The following TLK1 variants were observed in gnomAD, a reference collection of about 807,000 sequenced individuals.
The protein encoded by TLK1 is serine/threonine-protein kinase tousled-like 1.
Under a neutral mutation model 105.3 loss-of-function variants are expected in TLK1, and 24 were observed. The observed-to-expected ratio is 0.23, with a 90% CI of 0.17 to 0.32. The LOEUF (loss-of-function observed/expected upper bound fraction) is 0.32. Among genes scored for constraint, TLK1 ranks in the 10% least tolerant of loss-of-function variants. The pLI is 1.00. For missense variants in TLK1, 558 were observed against 910.5 expected (o/e 0.61, Z 4.98); for synonymous variants, 321 against 310.4 (o/e 1.03, Z -0.36).
intron 1 of TLK1, among the ~76,000 whole-genome samples, chr2:171,136,245 T>C (rs1691317059): frequency 6.6e-6 from 1 of 152,230 alleles, no homozygotes; most frequent in African/African-American, 2.4e-5. Flanking sequence ...ATGATTCCAG[T>C]TCTGTGAGGT....
chr2:171,094,162 A>C (rs1344438905), intron 2 of TLK1, among the ~76,000 whole-genome samples: 1 of 143,840 alleles, frequency 7.0e-6, no homozygotes, highest in Non-Finnish European at 1.6e-5. Context: ...AAATATAATT[A>C]GAAATAAAAG....
upstream of TLK1, among the ~76,000 whole-genome samples, chr2:171,163,018 C>T (rs894741142): frequency 2.0e-5 from 3 of 152,218 alleles, no homozygotes; most frequent in African/African-American, 7.2e-5. Context: ...TCTCAATCTC[C>T]TGACCTCAGG....
At chr2:171,045,213 G>A (rs1269694503) in intron 11 of TLK1, 1 of 138,704 alleles carries the variant, frequency 7.2e-6, no homozygotes. Context: ...ACATTAGAGG[G>A]TACATGTATT....
chr2:171,035,458 C>T (rs890233116), intron 11 of TLK1, among the ~76,000 whole-genome samples: 7 of 152,152 alleles, frequency 4.6e-5, no homozygotes, highest in East Asian at 1.9e-4. Context: ...CCCAACCACG[C>T]GGAACTGTTA....
At chr2:171,218,521 T>C (rs1010739088) in intron 1 of TLK1, among the ~76,000 whole-genome samples, 1 of 151,994 alleles carries the variant, frequency 6.6e-6, no homozygotes, top group African/African-American at 2.4e-5. Context: ...TTTATGCTGC[T>C]ATAACACAAT....
intron 11 of TLK1, among the ~76,000 whole-genome samples, chr2:171,036,128 C>A (rs937863570): frequency 2.0e-5 from 3 of 152,156 alleles, no homozygotes; most frequent in African/African-American, 7.2e-5. Context: ...GGGCAGGGGA[C>A]AGAGGCTAGA....
chr2:171,054,624 A>G (rs1384952891), intron 7 of TLK1: 1 of 152,490 alleles, frequency 6.6e-6, no homozygotes, highest in African/African-American at 2.4e-5. Flanking sequence ...TGCCACTCAG[A>G]AACTGTCACA....
intron 4 of TLK1, among the ~76,000 whole-genome samples, chr2:171,058,523 T>C (rs980006617): frequency 7.9e-5 from 12 of 152,176 alleles, no homozygotes; most frequent in African/African-American, 2.9e-4. Flanking sequence ...GCTTTAGTTA[T>C]ACAAACCATA....
intron 2 of TLK1, among the ~76,000 whole-genome samples, chr2:171,094,029 G>A (rs1389334371): frequency 6.6e-6 from 1 of 152,176 alleles, no homozygotes; most frequent in Non-Finnish European, 1.5e-5. Context: ...GTAATTTAAG[G>A]AGCCTAATTA....
chr2:171,030,667 T>C (rs1183987974), intron 11 of TLK1, among the ~76,000 whole-genome samples: 1 of 152,214 alleles, frequency 6.6e-6, no homozygotes, highest in African/African-American at 2.4e-5. Context: ...CATAAATTCA[T>C]ATTCTTAAAG....
chr2:171,213,269 A>G (rs1254245284), intron 1 of TLK1, among the ~76,000 whole-genome samples: 2 of 150,978 alleles, frequency 1.3e-5, no homozygotes, highest in Admixed American at 6.6e-5. Flanking sequence ...CATGACAATC[A>G]TGGCTCACTG....
intron 11 of TLK1, among the ~76,000 whole-genome samples, chr2:171,033,413 G>C (rs995137123): frequency 9.9e-5 from 15 of 151,826 alleles, no homozygotes; most frequent in African/African-American, 3.4e-4. Context: ...ATGGTTACTA[G>C]AGGCTGGGAA....
chr2:171,123,914 T>C (rs529623824), intron 1 of TLK1, among the ~76,000 whole-genome samples: 98 of 83,202 alleles, frequency 1.2e-3, no homozygotes, highest in South Asian at 7.9e-3. Flanking sequence ...AATATTGATA[T>C]TAACCCACAA....
At chr2:171,019,244 C>T (rs1262738661) in intron 12 of TLK1, among the ~76,000 whole-genome samples, 1 of 152,194 alleles carries the variant, frequency 6.6e-6, no homozygotes, top group East Asian at 1.9e-4. Context: ...ACATAATATT[C>T]CTTTGGCTCA....
chr2:171,137,924 T>C (rs539272441), intron 1 of TLK1, among the ~76,000 whole-genome samples: 43 of 151,738 alleles, frequency 2.8e-4, no homozygotes, highest in African/African-American at 1.0e-3. Flanking sequence ...CTTTGAGCAC[T>C]CTTAATAAAC....
chr2:171,223,880 T>A lies in TLK1; in HGVS notation c.-6+7265A>T, dbSNP rs1693852744. 2.0e-5 allele frequency among the ~76,000 whole-genome samples: 3 copies of A among 152,214 alleles called. No homozygotes were observed. In the South Asian group the frequency reaches 6.2e-4, roughly 32 times the overall value. On this transcript the variant is annotated intron_variant, in intron 1 of 20. Transcript: ENST00000521943. ...TCATCGCTTGTTAGATGGGTAGTTATATGTTTTCCCATTCTGTGTTGTCTC... is the reference window on the plus strand; with the variant it reads ...TCATCGCTTGTTAGATGGGTAGTTAAATGTTTTCCCATTCTGTGTTGTCTC...
At chr2:171,185,296 G>A (rs1271668931) in intron 1 of TLK1, among the ~76,000 whole-genome samples, 2 of 151,924 alleles carry the variant, frequency 1.3e-5, no homozygotes, top group Non-Finnish European at 2.9e-5. Context: ...TCCTCCTCCA[G>A]TTCATTTTCC....
chr2:171,014,765 C>G, intron 13 of TLK1, 86 bp downstream of exon 13: 2 of 1,038,868 alleles, frequency 1.9e-6, no homozygotes, highest in Non-Finnish European at 2.9e-6. Flanking sequence ...TGAGACAACC[C>G]AAGAAGGAAA....
At chr2:171,181,993 T>C (rs894855378) in intron 1 of TLK1, among the ~76,000 whole-genome samples, 4 of 152,170 alleles carry the variant, frequency 2.6e-5, no homozygotes, top group African/African-American at 9.7e-5. Context: ...GAAAGATCAC[T>C]TACTGAACCT....
Sources: allele counts gnomAD v4.1 joint callset (sites outside exome capture counted in the v4.1 genomes callset), GRCh38; gene constraint gnomAD v4.1.1; transcripts MANE v1.5; gene names NCBI Gene and HGNC (gene_info 2026-07-23, HGNC 2026-07-21).